NBEA: variants seen among roughly 807,000 people sequenced by gnomAD.
NBEA encodes the protein lysosomal-trafficking regulator 2.
A neutral mutation model predicts 343.4 loss-of-function variants in NBEA; 44 were observed. That is an observed-to-expected ratio of 0.13 (90% CI 0.10 to 0.16). The LOEUF is 0.16. NBEA is among the 10% of genes least tolerant of loss of function. NBEA has a pLI of 1.00. For missense variants in NBEA, 2,555 were observed against 3,631.3 expected (o/e 0.70, Z 7.62); for synonymous variants, 1,175 against 1,238.7 (o/e 0.95, Z 1.08).
chr13:35,124,685 T>C (rs1196827206), intron 17 of NBEA, among the ~76,000 whole-genome samples: 2 of 151,474 alleles, frequency 1.3e-5, no homozygotes, highest in Non-Finnish European at 2.9e-5. Flanking sequence ...TATACACATG[T>C]ATGGATATAT....
chr13:35,414,715 G>A (rs2043798532), intron 38 of NBEA, among the ~76,000 whole-genome samples: 1 of 152,160 alleles, frequency 6.6e-6, no homozygotes, highest in Non-Finnish European at 1.5e-5. Flanking sequence ...CTTTATAGCA[G>A]CATGATTTAT....
chr13:35,520,368 T>A (rs1178500767), intron 41 of NBEA, among the ~76,000 whole-genome samples: 1 of 152,210 alleles, frequency 6.6e-6, no homozygotes, highest in African/African-American at 2.4e-5. Context: ...TCACCATGTA[T>A]AATAATACTT....
At chr13:35,082,243 G>A (rs2064450512) in intron 10 of NBEA, among the ~76,000 whole-genome samples, 1 of 152,128 alleles carries the variant, frequency 6.6e-6, no homozygotes, top group Non-Finnish European at 1.5e-5. Context: ...CAAAGGACAT[G>A]AACTCATTAT....
At chr13:35,046,746 ATATCT>A (rs1371022958) in intron 4 of NBEA, among the ~76,000 whole-genome samples, 1 of 152,100 alleles carries the variant, frequency 6.6e-6, no homozygotes, top group Non-Finnish European at 1.5e-5. Flanking sequence ...CTCTCTCAAA[ATATCT>A]TAATGTACTG....
Position 35,422,911 on chromosome 13 carries a change from T to G in NBEA, c.6180-9358T>G, listed in dbSNP as rs550240632. ...CTCTGATGGCCAGTGATGATGAGCA[T>G]TTTTTCATGTGTCTTTTGGCTGCAT... is the stretch of plus-strand genomic sequence containing the variant. On this transcript the variant is annotated intron_variant, in intron 38 of 58. Transcript: ENST00000379939. Among the ~76,000 whole-genome samples the G allele has an allele frequency of 1.5e-3, 230 of 152,358 alleles. 2 individuals carry two copies. Among genetic ancestry groups the G allele is most frequent in the Non-Finnish European group, 1.6e-4 (11 of 68,034 alleles).
intron 38 of NBEA, among the ~76,000 whole-genome samples, chr13:35,392,639 A>G (rs1206789471): frequency 6.6e-6 from 1 of 152,180 alleles, no homozygotes; most frequent in Non-Finnish European, 1.5e-5. Context: ...CTAACATGAG[A>G]AAAACTATGA....
chr13:35,321,004 C>T (rs149152278), intron 36 of NBEA, among the ~76,000 whole-genome samples: 211 of 151,924 alleles, frequency 1.4e-3, no homozygotes, highest in African/African-American at 4.8e-3. Context: ...ACGTTTTTTT[C>T]GAGATTCTTA....
chr13:35,324,869 T>C (rs2038432212), intron 36 of NBEA, among the ~76,000 whole-genome samples: 1 of 152,016 alleles, frequency 6.6e-6, no homozygotes, highest in Non-Finnish European at 1.5e-5. Flanking sequence ...ATGTGTGGAA[T>C]CCAAACAAAC....
intron 31 of NBEA, among the ~76,000 whole-genome samples, chr13:35,196,982 C>A (rs1033059990): frequency 1.3e-5 from 2 of 151,938 alleles, no homozygotes; most frequent in Non-Finnish European, 2.9e-5. Context: ...TTTTAAGGAA[C>A]AATTAACTTT....
rs776824909 is a variant in NBEA, at chr13:35,535,861, T to C, written c.6586-14616T>C. On this transcript the variant is annotated intron_variant, in intron 41 of 58. Transcript: ENST00000379939. ...ACTAAGTGCTAGTAAAGTACATACT[T>C]ATTGCTACATACTGGTAGGATGAGG... Among the ~76,000 whole-genome samples, 56 of 152,286 alleles carry C rather than the reference T, an allele frequency of 3.7e-4. 1 individual carries two copies. Among genetic ancestry groups the C allele is most frequent in the Non-Finnish European group, 7.2e-4 (49 of 68,026 alleles).
At chr13:35,555,726 G>A (rs1364791765) in intron 44 of NBEA, among the ~76,000 whole-genome samples, 4 of 152,020 alleles carry the variant, frequency 2.6e-5, no homozygotes, top group Non-Finnish European at 5.9e-5. Flanking sequence ...AGCTCCAAAA[G>A]CCCTTATTCA....
chr13:35,191,819 A>G (rs1026500674), intron 30 of NBEA, among the ~76,000 whole-genome samples: 5 of 152,048 alleles, frequency 3.3e-5, no homozygotes, highest in Non-Finnish European at 7.4e-5. Flanking sequence ...GAAAATGGCA[A>G]TTTCAGTAAT....
chr13:35,079,974 C>G (rs548188232), intron 10 of NBEA, among the ~76,000 whole-genome samples: 3 of 152,170 alleles, frequency 2.0e-5, no homozygotes, highest in African/African-American at 7.2e-5. Flanking sequence ...GGTACCCATA[C>G]TAAAGACATA....
intron 38 of NBEA, among the ~76,000 whole-genome samples, chr13:35,425,721 T>C (rs1303830702): frequency 2.0e-5 from 3 of 152,198 alleles, no homozygotes; most frequent in Non-Finnish European, 4.4e-5. Context: ...TCTGTCTCAT[T>C]GATCTGTCTA....
At chr13:35,062,820 A>T (rs1457118678) in intron 8 of NBEA, among the ~76,000 whole-genome samples, 1 of 151,950 alleles carries the variant, frequency 6.6e-6, no homozygotes, top group Non-Finnish European at 1.5e-5. Context: ...TGACTGAAAA[A>T]GAAAACCTGG....
At chr13:35,539,896 A>G in intron 41 of NBEA, among the ~76,000 whole-genome samples, 1 of 132,928 alleles carries the variant, frequency 7.5e-6, no homozygotes. Context: ...AGCCTGGGCG[A>G]CAGAGCAAGA....
chr13:35,184,081 A>G lies in NBEA; in HGVS notation c.4927+10A>G. ...CACTCATTTTACAAAGGTAATACTG[A>G]CCTCATCTCCTGACCTGTTTGGGTA... On this transcript the variant is annotated intron_variant, in intron 30 of 58. Coordinates refer to ENST00000379939, the MANE Select transcript of NBEA (RefSeq NM_001385012.1). 1 of 1,579,548 alleles carries G rather than the reference A, an allele frequency of 6.3e-7. No individual in the cohort carries two copies. The highest frequency in any genetic ancestry group is 2.3e-5 in the East Asian group (1 of 44,412).
At chr13:35,366,398 C>T (rs561783932) in intron 38 of NBEA, among the ~76,000 whole-genome samples, 1 of 150,770 alleles carries the variant, frequency 6.6e-6, no homozygotes, top group Non-Finnish European at 1.5e-5. Flanking sequence ...CAGTATCTAA[C>T]AGATTATTAT....
chr13:35,630,367 T>C (rs1481751136), intron 49 of NBEA, among the ~76,000 whole-genome samples: 1 of 152,218 alleles, frequency 6.6e-6, no homozygotes, highest in African/African-American at 2.4e-5. Flanking sequence ...AAACATTACA[T>C]AGAAATGTAA....
Sources: allele counts gnomAD v4.1 joint callset (sites outside exome capture counted in the v4.1 genomes callset), GRCh38; gene constraint gnomAD v4.1.1; transcripts MANE v1.5; gene names NCBI Gene and HGNC (gene_info 2026-07-23, HGNC 2026-07-21).